Variants in CACNA1C observed in about 807,000 individuals in gnomAD.
CACNA1C encodes voltage-dependent L-type calcium channel subunit alpha-1C.
Under a neutral mutation model 229.0 loss-of-function variants are expected in CACNA1C, and 30 were observed. The ratio of observed to expected loss-of-function variants is 0.13; its 90% CI spans 0.10 to 0.18. The LOEUF (loss-of-function observed/expected upper bound fraction) is 0.18, where lower values mean the gene tolerates loss of function less well. Ranked by LOEUF, CACNA1C falls within the 10% of genes least tolerant of loss-of-function variation. The pLI is 1.00. For missense variants in CACNA1C, 1,658 were observed against 2,845.0 expected (o/e 0.58, Z 9.49); for synonymous variants, 1,114 against 1,132.5 (o/e 0.98, Z 0.33).
chr12:2,471,155 T>G (rs1207193863), intron 5 of CACNA1C, among the ~76,000 whole-genome samples: 3 of 152,198 alleles, frequency 2.0e-5, no homozygotes, highest in Non-Finnish European at 4.4e-5. Context: ...AAAAATAACT[T>G]TATTGAAGCG....
chr12:2,549,895 G>A, intron 9 of CACNA1C, 48 bp from the exon 10 acceptor site: 1 of 1,368,754 alleles, frequency 7.3e-7, no homozygotes, highest in African/African-American at 1.4e-5. Context: ...CTGTTCCCTT[G>A]TCTCCCCACC....
intron 11 of CACNA1C, among the ~76,000 whole-genome samples, chr12:2,565,785 A>C (rs1381644272): frequency 6.6e-6 from 1 of 152,272 alleles, no homozygotes; most frequent in Non-Finnish European, 1.5e-5. Flanking sequence ...TCTATAACCC[A>C]GAAAAACAAA....
chr12:2,506,601 G>C (rs1426615570), intron 8 of CACNA1C, among the ~76,000 whole-genome samples: 1 of 152,178 alleles, frequency 6.6e-6, no homozygotes, highest in Non-Finnish European at 1.5e-5. Flanking sequence ...TAGAAGTATA[G>C]AATCATCAAA....
At chr12:2,324,204 A>G (rs1308202286) in intron 3 of CACNA1C, among the ~76,000 whole-genome samples, 3 of 152,160 alleles carry the variant, frequency 2.0e-5, no homozygotes, top group Non-Finnish European at 4.4e-5. Context: ...TTCCCTCAAA[A>G]GCCCGGGGGA....
In CACNA1C at chr12:2,567,756, C is replaced by T. The variant is rs2051934512; in HGVS notation, c.1857C>T (p.Leu619=). ...TGTCCCCACTGGGCATCTCCGTGCT[C>T]AGATGCGTCCGGCTGCTGAGGATTT... ...KIMSPLGISV[L]RCVRLLRIFK... is the part of the protein sequence containing the mutation. The change falls in exon 13 of 47, where the codon CTC becomes CTT. Residue 619 remains leucine (L), a synonymous_variant. Coordinates refer to ENST00000399655, the MANE Select transcript of CACNA1C (RefSeq NM_000719.7). 4.3e-6 allele frequency: 7 copies of T among 1,612,612 alleles called. No homozygotes were observed. Among genetic ancestry groups the T allele is most frequent in the Non-Finnish European group, 5.9e-6 (7 of 1,178,940 alleles).
chr12:2,485,584 G>A (rs990054655), intron 5 of CACNA1C, among the ~76,000 whole-genome samples: 2 of 152,112 alleles, frequency 1.3e-5, no homozygotes, highest in African/African-American at 4.8e-5. Flanking sequence ...TAACAAAATT[G>A]ATCATTTCAA....
At position 2,566,649 on chromosome 12, in the gene CACNA1C, G is replaced by A. The variant is rs2051064694; in HGVS notation, c.1669+67G>A. ...ACTCAGCCCCAAGGCCCAGGGGAGG[G>A]CATAACCACAGGCAGAAGGTGGAGG... On this transcript the variant is annotated intron_variant, in intron 12 of 46. Coordinates refer to ENST00000399655, the MANE Select transcript of CACNA1C (RefSeq NM_000719.7). The surrounding 1 kb of genome is among the most constrained non-coding windows in gnomAD (Gnocchi z 4.0). 2 of 1,373,550 alleles carry A rather than the reference G, an allele frequency of 1.5e-6. No individual in the cohort carries two copies. Among genetic ancestry groups the A allele is most frequent in the Non-Finnish European group, 1.0e-6 (1 of 1,003,060 alleles). The allele number at this position is 1,373,550 out of a possible 1,614,324, so 85.1% of individuals were successfully genotyped here.
intron 3 of CACNA1C, among the ~76,000 whole-genome samples, chr12:2,411,242 G>T (rs1043086807): frequency 6.6e-6 from 1 of 152,090 alleles, no homozygotes; most frequent in East Asian, 1.9e-4. Flanking sequence ...GCAGCCCTGC[G>T]GTGGAGAGCT....
In CACNA1C at chr12:2,633,248, G is replaced by A. The variant is rs2091335117; in HGVS notation, c.3829-1049G>A. 6.6e-6 allele frequency among the ~76,000 whole-genome samples: 1 copy of A among 152,176 alleles called. No individual in the cohort carries two copies. Among genetic ancestry groups the A allele is most frequent in the South Asian group, 2.1e-4 (1 of 4,822 alleles). On this transcript the variant is annotated intron_variant, in intron 29 of 46. Coordinates refer to ENST00000399655, the MANE Select transcript of CACNA1C (RefSeq NM_000719.7). The surrounding 1 kb of genome is among the most constrained non-coding windows in gnomAD (Gnocchi z 5.8). ...CTGCTGGAAGAGGACTGGGGGTGCA[G>A]GAGATGCTCAGCGTGGACTGAGAAG... is the stretch of plus-strand genomic sequence containing the variant.
intron 1 of CACNA1C, among the ~76,000 whole-genome samples, chr12:2,072,905 A>G (rs748644365): frequency 2.0e-5 from 3 of 152,178 alleles, no homozygotes; most frequent in Non-Finnish European, 4.4e-5. Context: ...GGCATAAACA[A>G]GCATAACCAA....
Position 2,605,888 on chromosome 12 carries a change from C to T in CACNA1C, c.3156+102C>T. ...AGTACAAACGAGACAGTGTCCTGAG[C>T]CAGACTTGGCTTGGATATAACCTCC... On this transcript the variant is annotated intron_variant, in intron 24 of 46. Transcript: ENST00000399655. The surrounding 1 kb of genome is among the most constrained non-coding windows in gnomAD (Gnocchi z 6.2). 1.2e-6 allele frequency: 1 copy of T among 825,232 alleles called. No individual in the cohort carries two copies. Among genetic ancestry groups the T allele is most frequent in the Non-Finnish European group, 2.1e-6 (1 of 487,606 alleles). 51.1% of individuals were successfully genotyped at this position (825,232 alleles called of 1,614,324 possible).
intron 3 of CACNA1C, among the ~76,000 whole-genome samples, chr12:2,360,944 C>T (rs777994929): frequency 6.6e-6 from 1 of 152,098 alleles, no homozygotes; most frequent in South Asian, 2.1e-4. Flanking sequence ...GCCTGCCGTT[C>T]ACCACACACG....
chr12:2,298,693 G>A (rs946336805), intron 3 of CACNA1C, among the ~76,000 whole-genome samples: 2 of 152,224 alleles, frequency 1.3e-5, no homozygotes, highest in Admixed American at 1.3e-4. Flanking sequence ...GAAGGCTTTC[G>A]GACTAACTTC....
intron 3 of CACNA1C, among the ~76,000 whole-genome samples, chr12:2,209,235 A>G (rs767771961): frequency 1.3e-5 from 2 of 152,252 alleles, no homozygotes; most frequent in Admixed American, 6.5e-5. Flanking sequence ...TATAAAAACA[A>G]TAATCATCCT....
intron 1 of CACNA1C, among the ~76,000 whole-genome samples, chr12:2,003,017 A>C (rs2042543199): frequency 6.6e-6 from 1 of 152,226 alleles, no homozygotes; most frequent in African/African-American, 2.4e-5. Flanking sequence ...AAGAACGAAT[A>C]TTAAAGAGCT....
chr12:2,610,780 C>T, intron 28 of CACNA1C, 81 bp downstream of exon 28: 1 of 1,395,406 alleles, frequency 7.2e-7, no homozygotes, highest in Non-Finnish European at 1.0e-6. Flanking sequence ...GAGCGGCAGG[C>T]AGCTCAGTGC....
At chr12:2,203,544 C>A (rs867800664) in intron 3 of CACNA1C, among the ~76,000 whole-genome samples, 1 of 152,182 alleles carries the variant, frequency 6.6e-6, no homozygotes, top group Non-Finnish European at 1.5e-5. Context: ...TGTTACAGGA[C>A]GGATTAGGAG....
intron 3 of CACNA1C, among the ~76,000 whole-genome samples, chr12:2,413,264 G>A (rs1328713098): frequency 2.0e-5 from 3 of 152,130 alleles, no homozygotes; most frequent in East Asian, 1.9e-4. Flanking sequence ...TGATCCACCC[G>A]CCTCAGCCTC....
chr12:2,458,981 CTTTTTTT>C, intron 5 of CACNA1C, among the ~76,000 whole-genome samples: 1 of 105,616 alleles, frequency 9.5e-6, no homozygotes, highest in South Asian at 3.3e-4. Context: ...CTTTTTCTTT[CTTTTTTT>C]TTTTTTTTTT....
Sources: allele counts gnomAD v4.1 joint callset (sites outside exome capture counted in the v4.1 genomes callset), GRCh38; gene constraint gnomAD v4.1.1; non-coding constraint Gnocchi (gnomAD v3.1); transcripts MANE v1.5; gene names NCBI Gene and HGNC (gene_info 2026-07-23, HGNC 2026-07-21).